Variants in HPSE2 observed in about 807,000 individuals in gnomAD.
HPSE2 encodes the protein heparanase 2 (inactive), also known as inactive heparanase-2.
A neutral mutation model predicts 60.5 loss-of-function variants in HPSE2; 38 were observed. The observed-to-expected ratio is 0.63, with a 90% CI of 0.48 to 0.82. The LOEUF is 0.82. Among genes scored for constraint, HPSE2 ranks in the 40% least tolerant of loss-of-function variants. The pLI is 0.00. For synonymous variants in HPSE2, 295 were observed against 293.2 expected, an observed-to-expected ratio of 1.01 and a Z score of -0.06; for missense variants, 713 against 740.4, an observed-to-expected ratio of 0.96 and a Z score of 0.43.
At chr10:98,530,143 G>A (rs748573238) in intron 9 of HPSE2, among the ~76,000 whole-genome samples, 6 of 152,140 alleles carry the variant, frequency 3.9e-5, no homozygotes, top group Non-Finnish European at 5.9e-5. Flanking sequence ...TGCTTCATTT[G>A]TATTTCTAGA....
intron 2 of HPSE2, among the ~76,000 whole-genome samples, chr10:99,198,253 G>A (rs559334794): frequency 1.4e-4 from 21 of 152,166 alleles, no homozygotes; most frequent in Non-Finnish European, 2.8e-4. Context: ...TAAAATGTGA[G>A]TAATAATAAT....
intron 3 of HPSE2, among the ~76,000 whole-genome samples, chr10:99,059,175 GGGC>G (rs1187738842): frequency 6.6e-6 from 1 of 152,070 alleles, no homozygotes; most frequent in Non-Finnish European, 1.5e-5. Context: ...TTTGGCCCAT[GGGC>G]CATAGTTTAC....
At chr10:99,265,252 A>G in the HPSE2 span, among the ~76,000 whole-genome samples, 1 of 152,204 alleles carries the variant, frequency 6.6e-6, no homozygotes, top group African/African-American at 2.4e-5. Context: ...AACCTATAAG[A>G]ACTAATGATA....
intron 11 of HPSE2, among the ~76,000 whole-genome samples, chr10:98,467,764 G>A (rs751065287): frequency 1.3e-5 from 2 of 152,272 alleles, no homozygotes; most frequent in Non-Finnish European, 2.9e-5. Flanking sequence ...GCCTCCCGGA[G>A]GAACAAATCA....
At chr10:98,878,251 G>A (rs1952929901) in intron 3 of HPSE2, among the ~76,000 whole-genome samples, 2 of 151,994 alleles carry the variant, frequency 1.3e-5, no homozygotes, top group Non-Finnish European at 2.9e-5. Context: ...AATGCTATAG[G>A]AGGATATAAT....
intron 3 of HPSE2, among the ~76,000 whole-genome samples, chr10:98,745,498 C>T (rs958029184): frequency 6.6e-6 from 1 of 152,204 alleles, no homozygotes; most frequent in African/African-American, 2.4e-5. Flanking sequence ...TAATTCAAGG[C>T]TTCTACAACT....
intron 3 of HPSE2, among the ~76,000 whole-genome samples, chr10:99,121,474 A>G (rs187169247): frequency 1.3e-5 from 2 of 152,314 alleles, no homozygotes; most frequent in Non-Finnish European, 2.9e-5. Context: ...ACAAAAAGAA[A>G]CAAGTTTAAA....
chr10:98,536,905 G>A (rs544150597), intron 9 of HPSE2, among the ~76,000 whole-genome samples: 7 of 152,188 alleles, frequency 4.6e-5, no homozygotes, highest in African/African-American at 1.7e-4. Flanking sequence ...GCACAAGATG[G>A]GGTTGGAGAT....
intron 5 of HPSE2, among the ~76,000 whole-genome samples, chr10:98,704,353 A>G (rs1313740344): frequency 6.6e-6 from 1 of 152,170 alleles, no homozygotes; most frequent in African/African-American, 2.4e-5. Flanking sequence ...TACAGATTCA[A>G]TGCTATTCCC....
chr10:98,472,754 G>T (rs1442470062), intron 11 of HPSE2, among the ~76,000 whole-genome samples: 1 of 152,180 alleles, frequency 6.6e-6, no homozygotes, highest in East Asian at 1.9e-4. Context: ...ACACATATAA[G>T]TAGAATGGAA....
At chr10:99,002,709 C>T (rs899008776) in intron 3 of HPSE2, among the ~76,000 whole-genome samples, 1 of 151,884 alleles carries the variant, frequency 6.6e-6, no homozygotes, top group Non-Finnish European at 1.5e-5. Context: ...AGGTAAATAT[C>T]TATAAAATAT....
chr10:98,686,388 C>A (rs1947916237), intron 6 of HPSE2, among the ~76,000 whole-genome samples: 1 of 151,994 alleles, frequency 6.6e-6, no homozygotes. Flanking sequence ...CTCATGATTT[C>A]TTCTTTGATT....
At chr10:98,911,302 T>G (rs1156367470) in intron 3 of HPSE2, among the ~76,000 whole-genome samples, 1 of 152,214 alleles carries the variant, frequency 6.6e-6, no homozygotes, top group Non-Finnish European at 1.5e-5. Context: ...GACTCCTGCC[T>G]GTAAGGGGTT....
At chr10:98,819,877 T>C (rs2134606915) in intron 3 of HPSE2, among the ~76,000 whole-genome samples, 1 of 152,164 alleles carries the variant, frequency 6.6e-6, no homozygotes, top group East Asian at 1.9e-4. Context: ...ACTCCTAACC[T>C]TCCTATAAAG....
chr10:98,609,730 A>C, intron 9 of HPSE2, among the ~76,000 whole-genome samples: 1 of 152,126 alleles, frequency 6.6e-6, no homozygotes, highest in Admixed American at 6.5e-5. Context: ...CAAGATACAC[A>C]TCTAATTAAT....
intron 9 of HPSE2, among the ~76,000 whole-genome samples, chr10:98,570,583 CAG>C (rs1944467855): frequency 6.6e-6 from 1 of 151,548 alleles, no homozygotes; most frequent in African/African-American, 2.4e-5. Flanking sequence ...AATAAAAAAA[CAG>C]CAGTTAGTAA....
chr10:99,179,510 A>G (rs902037488), intron 2 of HPSE2, among the ~76,000 whole-genome samples: 4 of 152,318 alleles, frequency 2.6e-5, no homozygotes, highest in Non-Finnish European at 5.9e-5. Context: ...TTCCATTCAC[A>G]ATTGCTACTA....
intron 9 of HPSE2, among the ~76,000 whole-genome samples, chr10:98,609,977 G>A (rs752330700): frequency 9.2e-5 from 14 of 151,896 alleles, no homozygotes; most frequent in Non-Finnish European, 1.9e-4. Flanking sequence ...GAGCAGCTAG[G>A]ACTACAGGTG....
chr10:98,544,921 A>C (rs58111299), intron 9 of HPSE2, among the ~76,000 whole-genome samples: 2 of 152,092 alleles, frequency 1.3e-5, no homozygotes, highest in African/African-American at 2.4e-5. Context: ...ACTAATAAAG[A>C]AGAAAAGGGA....
Sources: gnomAD v4.1 joint callset for allele counts (sites outside exome capture counted in the v4.1 genomes callset) on GRCh38, gnomAD v4.1.1 for gene constraint, MANE v1.5 for transcripts, NCBI Gene and HGNC (gene_info 2026-07-23, HGNC 2026-07-21) for gene names.